The following EDAR variants were observed in gnomAD, a reference collection of about 807,000 sequenced individuals.
The protein encoded by EDAR is ectodysplasin A receptor.
In EDAR, 38 loss-of-function variants were observed where a neutral mutation model predicts 51.3. That is an observed-to-expected ratio of 0.74 (90% CI 0.57 to 0.97). EDAR has a LOEUF of 0.97. Among genes scored for constraint, EDAR ranks in the 50% least tolerant of loss-of-function variants. The probability of loss-of-function intolerance (pLI) is 0.00; values close to 1 mark genes in which losing one functional copy is unlikely to be tolerated. For missense variants in EDAR, 528 were observed against 595.0 expected, an observed-to-expected ratio of 0.89 and a Z score of 1.17; for synonymous variants, 227 against 242.1, an observed-to-expected ratio of 0.94 and a Z score of 0.58.
chr2:108,911,176 C>T, intron 6 of EDAR, 104 bp from the exon 7 acceptor site: 1 of 1,412,646 alleles, frequency 7.1e-7, no homozygotes, highest in Non-Finnish European at 1.0e-6. Context: ...CCCTGGGATG[C>T]TTTCAGGGAA....
At position 108,935,681 on chromosome 2, in the gene EDAR, C is replaced by T. The variant is rs529696632; in HGVS notation, c.-18-4649G>A. On this transcript the variant is annotated intron_variant, in intron 1 of 11. Transcript: ENST00000258443. ...ACACACGCAGACTCTGCACTAGACA[C>T]CGATTCCCTTAATCTTGTTAGAGTT... is the stretch of plus-strand genomic sequence containing the variant. Among the ~76,000 whole-genome samples the T allele has an allele frequency of 6.1e-4, 93 of 152,300 alleles. No individual in the cohort carries two copies. The Middle Eastern group carries it at 0.01, about 17-fold the overall frequency.
chr2:108,936,138 C>T (rs570352037), intron 1 of EDAR, among the ~76,000 whole-genome samples: 13 of 152,350 alleles, frequency 8.5e-5, no homozygotes, highest in South Asian at 2.1e-4. Context: ...TTGACTGTGA[C>T]GGTGCTACCT....
intron 1 of EDAR, among the ~76,000 whole-genome samples, chr2:108,944,241 G>A (rs1697669429): frequency 6.6e-6 from 1 of 152,148 alleles, no homozygotes; most frequent in Non-Finnish European, 1.5e-5. Flanking sequence ...AGTCTCCCAA[G>A]TAGCTGGGAT....
chr2:108,930,856 G>C, intron 2 of EDAR, 108 bp downstream of exon 2: 5 of 1,223,460 alleles, frequency 4.1e-6, no homozygotes, highest in Non-Finnish European at 6.0e-6. Context: ...ACCCTGTGGA[G>C]GAGGGACTAT....
At chr2:108,976,486 G>A (rs1698324042) in intron 1 of EDAR, among the ~76,000 whole-genome samples, 4 of 152,156 alleles carry the variant, frequency 2.6e-5, no homozygotes, top group Admixed American at 2.6e-4. Flanking sequence ...TCCTTCCGGT[G>A]CTCCTTGGAA....
At chr2:108,901,745 T>G (rs1196963642) in intron 11 of EDAR, among the ~76,000 whole-genome samples, 1 of 152,232 alleles carries the variant, frequency 6.6e-6, no homozygotes, top group Non-Finnish European at 1.5e-5. Flanking sequence ...CTATCACAAC[T>G]TACCCAATAT....
intron 1 of EDAR, among the ~76,000 whole-genome samples, chr2:108,984,123 T>A (rs909591917): frequency 1.3e-5 from 2 of 152,162 alleles, no homozygotes. Flanking sequence ...TCAGAATGGA[T>A]CCCTTTGGCA....
chr2:108,911,327 C>A (rs1696925863), intron 6 of EDAR, among the ~76,000 whole-genome samples: 1 of 152,142 alleles, frequency 6.6e-6, no homozygotes, highest in African/African-American at 2.4e-5. Flanking sequence ...CCTGATTGTT[C>A]CTAGGGAGTT....
chr2:108,931,425 G>A (rs939674158), intron 1 of EDAR, among the ~76,000 whole-genome samples: 1 of 152,242 alleles, frequency 6.6e-6, no homozygotes, highest in Non-Finnish European at 1.5e-5. Flanking sequence ...CCCCTGGAGA[G>A]ACTGCCAGGA....
intron 1 of EDAR, among the ~76,000 whole-genome samples, chr2:108,952,251 G>A (rs1697840134): frequency 6.6e-6 from 1 of 152,138 alleles, no homozygotes; most frequent in South Asian, 2.1e-4. Context: ...CTTGTTGATT[G>A]ATTTGGTTTA....
intron 8 of EDAR, 82 bp from the exon 9 acceptor site, chr2:108,910,614 GTTGGGC>G: frequency 7.1e-7 from 1 of 1,417,962 alleles, no homozygotes; most frequent in Non-Finnish European, 9.9e-7. Context: ...TGCTCTTCCT[GTTGGGC>G]AGAGCTGCCC....
At chr2:108,906,994 G>A (rs937170756) in intron 10 of EDAR, among the ~76,000 whole-genome samples, 12 of 152,198 alleles carry the variant, frequency 7.9e-5, no homozygotes, top group Non-Finnish European at 1.0e-4. Flanking sequence ...GCTGTCCTGC[G>A]GCTGGGGCCT....
chr2:108,932,256 C>A (rs1013769915), intron 1 of EDAR, among the ~76,000 whole-genome samples: 1 of 152,046 alleles, frequency 6.6e-6, no homozygotes, highest in African/African-American at 2.4e-5. Flanking sequence ...AGGCTGAGCG[C>A]GGTGGCTCAC....
At chr2:108,897,331 T>A (rs557311363) in intron 11 of EDAR, 102 bp from the exon 12 acceptor site, 25 of 1,184,196 alleles carry the variant, frequency 2.1e-5, no homozygotes, top group South Asian at 1.7e-4. Context: ...TTGAAAAAAA[T>A]TTTTTTAAAA....
At chr2:108,910,427 A>G in intron 9 of EDAR, 33 bp downstream of exon 9, 1 of 1,580,758 alleles carries the variant, frequency 6.3e-7, no homozygotes, top group South Asian at 1.1e-5. Context: ...ACAGGACCCC[A>G]GCTTCAGCTT....
At chr2:108,955,661 A>G (rs1024813634) in intron 1 of EDAR, among the ~76,000 whole-genome samples, 1 of 150,828 alleles carries the variant, frequency 6.6e-6, no homozygotes, top group African/African-American at 2.4e-5. Context: ...AGCCGAGATC[A>G]CACCACTGCA....
chr2:108,929,531 C>T (rs1022051476), intron 3 of EDAR, 152 bp from the exon 4 acceptor site: 3 of 794,850 alleles, frequency 3.8e-6, no homozygotes, highest in African/African-American at 3.4e-5. Flanking sequence ...ACTGCAAAAC[C>T]CCCCAGGAAC....
intron 1 of EDAR, among the ~76,000 whole-genome samples, chr2:108,951,021 T>C (rs1186404834): frequency 6.6e-6 from 1 of 152,240 alleles, no homozygotes; most frequent in African/African-American, 2.4e-5. Context: ...GCACTGATGC[T>C]TCTATATTGA....
intron 5 of EDAR, among the ~76,000 whole-genome samples, chr2:108,918,117 C>A (rs1442439568): frequency 6.6e-6 from 1 of 152,200 alleles, no homozygotes; most frequent in African/African-American, 2.4e-5. Context: ...GCGGTCTGGG[C>A]TGATCCTCTT....
Sources: allele counts gnomAD v4.1 joint callset (sites outside exome capture counted in the v4.1 genomes callset), GRCh38; gene constraint gnomAD v4.1.1; transcripts MANE v1.5; gene names NCBI Gene and HGNC (gene_info 2026-07-23, HGNC 2026-07-21).